Variants in MYO5B observed in about 807,000 individuals in gnomAD.
MYO5B encodes the protein unconventional myosin-Vb.
Under a neutral mutation model 229.3 loss-of-function variants are expected in MYO5B, and 143 were observed. That is an observed-to-expected ratio of 0.62 (90% CI 0.54 to 0.72). The LOEUF is 0.72. Among genes scored for constraint, MYO5B ranks in the 30% least tolerant of loss-of-function variants. The probability of loss-of-function intolerance (pLI) is 0.00; values close to 1 mark genes in which losing one functional copy is unlikely to be tolerated. For synonymous variants in MYO5B, 918 were observed against 885.2 expected (o/e 1.04, Z -0.66); for missense variants, 2,321 against 2,331.0 (o/e 1.00, Z 0.09).
chr18:49,947,108 T>TTTG (rs1305273791), intron 14 of MYO5B, among the ~76,000 whole-genome samples: 4 of 145,924 alleles, frequency 2.7e-5, no homozygotes, highest in Admixed American at 2.7e-4. Context: ...GCTCTTTTTT[T>TTTG]TTTTTTTTTT....
chr18:49,827,045 A>G (rs1375687555), intron 39 of MYO5B, among the ~76,000 whole-genome samples: 2 of 152,164 alleles, frequency 1.3e-5, no homozygotes, highest in African/African-American at 4.8e-5. Context: ...TACCTGTAGA[A>G]TGGGAGAAGA....
At chr18:50,141,893 C>G (rs975934966) in intron 1 of MYO5B, among the ~76,000 whole-genome samples, 1 of 152,158 alleles carries the variant, frequency 6.6e-6, no homozygotes, top group South Asian at 2.1e-4. Context: ...GGGTAAAGAC[C>G]AAAGTAGTGA....
At chr18:49,831,258 AT>A (rs2023917437) in intron 39 of MYO5B, among the ~76,000 whole-genome samples, 2 of 152,348 alleles carry the variant, frequency 1.3e-5, no homozygotes, top group African/African-American at 4.8e-5. Context: ...AAACAAAAAA[AT>A]ATACATAGAT....
intron 1 of MYO5B, among the ~76,000 whole-genome samples, chr18:50,183,199 T>C (rs1237740231): frequency 1.3e-5 from 2 of 151,588 alleles, no homozygotes; most frequent in East Asian, 1.9e-4. Context: ...CAAATTAGAC[T>C]GTTAATAGTA....
intron 4 of MYO5B, among the ~76,000 whole-genome samples, chr18:50,005,472 A>G (rs572608061): frequency 6.6e-6 from 1 of 152,218 alleles, no homozygotes; most frequent in Non-Finnish European, 1.5e-5. Context: ...GTACAGTGGC[A>G]CAATCACAGC....
chr18:50,116,582 T>C (rs1236542694), intron 1 of MYO5B, among the ~76,000 whole-genome samples: 1 of 151,956 alleles, frequency 6.6e-6, no homozygotes. Context: ...TGCCAAGTTC[T>C]CAATTAACCC....
intron 1 of MYO5B, 44 bp downstream of exon 1, chr18:50,194,723 G>A (rs1323604585): frequency 7.2e-7 from 1 of 1,388,620 alleles, no homozygotes; most frequent in Admixed American, 2.2e-5. Flanking sequence ...GGCCCCGAGC[G>A]CGCCACCCCG....
chr18:49,872,124 G>C, intron 27 of MYO5B, 43 bp downstream of exon 27: 1 of 1,590,694 alleles, frequency 6.3e-7, no homozygotes, highest in Non-Finnish European at 8.6e-7. Flanking sequence ...TCTGCCCTCT[G>C]CCAGGGGAGT....
chr18:49,975,261 T>G (rs1161926216), intron 9 of MYO5B, among the ~76,000 whole-genome samples: 1 of 152,214 alleles, frequency 6.6e-6, no homozygotes, highest in Non-Finnish European at 1.5e-5. Flanking sequence ...GCACTAGCCA[T>G]GTTCCTCCCT....
intron 29 of MYO5B, among the ~76,000 whole-genome samples, chr18:49,860,499 G>A (rs760231935): frequency 6.6e-6 from 1 of 152,114 alleles, no homozygotes; most frequent in Non-Finnish European, 1.5e-5. Flanking sequence ...AGTGCCACCC[G>A]CATTCCTGCA....
chr18:49,973,555 G>A (rs897137997), intron 10 of MYO5B, among the ~76,000 whole-genome samples: 2 of 152,210 alleles, frequency 1.3e-5, no homozygotes, highest in Non-Finnish European at 2.9e-5. Flanking sequence ...AAGAGGACAG[G>A]ACATTGGTCA....
chr18:49,991,279 G>T (rs1170426232), intron 6 of MYO5B, among the ~76,000 whole-genome samples: 1 of 152,210 alleles, frequency 6.6e-6, no homozygotes, highest in African/African-American at 2.4e-5. Context: ...GCTATCATCA[G>T]CATGGAGATG....
chr18:49,916,405 G>A (rs78318391), intron 17 of MYO5B, among the ~76,000 whole-genome samples: 18,023 of 152,138 alleles, frequency 0.12, 1,291 homozygotes, highest in East Asian at 0.24. Flanking sequence ...CCGCCCCTCC[G>A]CTACCTGTAC....
chr18:50,099,875 T>G (rs952382234), intron 1 of MYO5B, among the ~76,000 whole-genome samples: 1 of 152,224 alleles, frequency 6.6e-6, no homozygotes, highest in Non-Finnish European at 1.5e-5. Flanking sequence ...GGGCTAAATA[T>G]AGACTACTAT....
At chr18:50,117,931 T>C (rs2031991943) in intron 1 of MYO5B, among the ~76,000 whole-genome samples, 1 of 152,170 alleles carries the variant, frequency 6.6e-6, no homozygotes, top group African/African-American at 2.4e-5. Flanking sequence ...GCAAAGTCAG[T>C]GCTGGGCAGT....
intron 33 of MYO5B, among the ~76,000 whole-genome samples, 194 bp downstream of exon 33, chr18:49,846,949 ACAG>A (rs2024135551): frequency 6.6e-6 from 1 of 150,490 alleles, no homozygotes; most frequent in Non-Finnish European, 1.5e-5. Flanking sequence ...GCAGCTGGAC[ACAG>A]CAGGAGCTGG....
At chr18:49,938,145 C>T (rs1456020078) in intron 14 of MYO5B, among the ~76,000 whole-genome samples, 2 of 152,166 alleles carry the variant, frequency 1.3e-5, no homozygotes, top group Admixed American at 6.5e-5. Flanking sequence ...AGTTTAAGTT[C>T]TATTTTTCTA....
In MYO5B at chr18:49,925,321, C is replaced by T. The variant is rs9959107; in HGVS notation, c.2090+4191G>A. On this transcript the variant is annotated intron_variant, in intron 17 of 39. Coordinates refer to ENST00000285039, the MANE Select transcript of MYO5B (RefSeq NM_001080467.3). ...AATATGCCTGTGACCTGGAAGCTCC[C>T]GCCTTCCGGTTGTCCCACTTGTCTG... Among the ~76,000 whole-genome samples, 1,303 of 152,326 alleles carry T rather than the reference C, an allele frequency of 8.6e-3. 12 individuals are homozygous for T. The highest frequency in any genetic ancestry group is 0.029 in the African/African-American group (1,209 of 41,560).
chr18:49,971,634 C>A (rs2025693338), intron 10 of MYO5B, among the ~76,000 whole-genome samples: 15 of 152,202 alleles, frequency 9.9e-5, no homozygotes, highest in Admixed American at 9.8e-4. Context: ...CTGGGCCAGT[C>A]CACATTTGTA....
Sources: allele counts gnomAD v4.1 joint callset (sites outside exome capture counted in the v4.1 genomes callset), GRCh38; gene constraint gnomAD v4.1.1; transcripts MANE v1.5; gene names NCBI Gene and HGNC (gene_info 2026-07-23, HGNC 2026-07-21).